The following SPTBN1 variants were observed in gnomAD, a reference collection of about 807,000 sequenced individuals.
SPTBN1 encodes spectrin beta chain, non-erythrocytic 1.
A neutral mutation model predicts 266.4 loss-of-function variants in SPTBN1; 32 were observed. The observed-to-expected ratio is 0.12, with a 90% CI of 0.09 to 0.16. The LOEUF (loss-of-function observed/expected upper bound fraction) is 0.16, where lower values mean the gene tolerates loss of function less well. Ranked by LOEUF, SPTBN1 falls within the 10% of genes least tolerant of loss-of-function variation. The probability of loss-of-function intolerance (pLI) is 1.00; values close to 1 mark genes in which losing one functional copy is unlikely to be tolerated. For synonymous variants in SPTBN1, 1,336 were observed against 1,162.2 expected, an observed-to-expected ratio of 1.15 and a Z score of -3.04; for missense variants, 2,296 against 3,067.1, an observed-to-expected ratio of 0.75 and a Z score of 5.94.
In SPTBN1 at chr2:54,643,133, A is replaced by C; in HGVS notation, c.4005+4A>C. 1 of 1,614,114 alleles carries C rather than the reference A, an allele frequency of 6.2e-7. No homozygotes were observed. The highest frequency in any genetic ancestry group is 8.5e-7 in the Non-Finnish European group (1 of 1,179,964). ...ATGGCTTGACAAAATCGAGAAGGTG[A>C]GTTAAAACATTTGATGTGGCCATGG... On this transcript the variant is annotated splice_donor_region_variant and intron_variant, in intron 19 of 35. Coordinates refer to ENST00000356805, the MANE Select transcript of SPTBN1 (RefSeq NM_003128.3).
At chr2:54,631,970 G>A (rs752595237) in intron 16 of SPTBN1, among the ~76,000 whole-genome samples, 1 of 151,980 alleles carries the variant, frequency 6.6e-6, no homozygotes, top group Non-Finnish European at 1.5e-5. Flanking sequence ...CCAGCTCTTG[G>A]GGAGGCTGGG....
chr2:54,543,146 G>T (rs1672033361), intron 2 of SPTBN1, among the ~76,000 whole-genome samples: 1 of 152,168 alleles, frequency 6.6e-6, no homozygotes. Context: ...GGCTTCAGAG[G>T]CCTGGAGTCC....
chr2:54,472,022 GTTTTTT>G (rs768988675), intron 1 of SPTBN1, among the ~76,000 whole-genome samples: 42 of 66,806 alleles, frequency 6.3e-4, no homozygotes, highest in African/African-American at 2.1e-3. Context: ...CCCTGAAGAT[GTTTTTT>G]TTTTTTTTTT....
At chr2:54,589,356 G>A (rs1240608437) in intron 2 of SPTBN1, among the ~76,000 whole-genome samples, 1 of 152,178 alleles carries the variant, frequency 6.6e-6, no homozygotes, top group Non-Finnish European at 1.5e-5. Flanking sequence ...CCTCTCAGAA[G>A]TTGTGCCTGC....
intron 1 of SPTBN1, among the ~76,000 whole-genome samples, chr2:54,514,688 A>G (rs996638774): frequency 1.3e-5 from 2 of 152,218 alleles, no homozygotes; most frequent in Non-Finnish European, 1.5e-5. Flanking sequence ...TCTTTAGTAC[A>G]GAGAAATGTG....
intron 1 of SPTBN1, among the ~76,000 whole-genome samples, chr2:54,480,236 T>G (rs1668031080): frequency 6.6e-6 from 1 of 152,182 alleles, no homozygotes; most frequent in South Asian, 2.1e-4. Context: ...CAGCTGGCGC[T>G]GAGATACAGA....
At position 54,644,337 on chromosome 2, in the gene SPTBN1, C is replaced by T; in HGVS notation, c.4020C>T (p.Leu1340=). The T allele has an allele frequency of 1.2e-6, 2 of 1,609,460 alleles. No individual in the cohort carries two copies. Among genetic ancestry groups the T allele is most frequent in the East Asian group, 2.2e-5 (1 of 44,730 alleles). The change falls in exon 20 of 36, where the codon CTC becomes CTT. Residue 1340 remains leucine (L), a synonymous_variant. Coordinates refer to ENST00000356805, the MANE Select transcript of SPTBN1 (RefSeq NM_003128.3). Reference sequence around the variant, plus strand: ...TTGTTTTCCAGGAAGGAATGCAGCTCATTTCAGAAAAGCCTGAGACGGAAG... The same window carrying T: ...TTGTTTTCCAGGAAGGAATGCAGCTTATTTCAGAAAAGCCTGAGACGGAAG... ...LDKIEKEGMQ[L]ISEKPETEAV...
chr2:54,490,353 A>G (rs2104009454), intron 1 of SPTBN1, among the ~76,000 whole-genome samples: 2 of 152,314 alleles, frequency 1.3e-5, no homozygotes, highest in South Asian at 4.1e-4. Flanking sequence ...AGTACAGGCA[A>G]GAGCCACAGT....
rs577894846 is a variant in SPTBN1, at chr2:54,659,420, C to T, written c.6356+154C>T. Reference sequence around the variant, plus strand: ...CTGTTTAAAGGCTGTACAGTTATCCCTAAATAACCTTGGAGGGCACTGATT... The same window carrying T: ...CTGTTTAAAGGCTGTACAGTTATCCTTAAATAACCTTGGAGGGCACTGATT... On this transcript the variant is annotated intron_variant, in intron 31 of 35. Transcript: ENST00000356805. Among the ~76,000 whole-genome samples, 3 of 152,130 alleles carry T rather than the reference C, an allele frequency of 2.0e-5. No individual in the cohort carries two copies. In the East Asian group the frequency reaches 5.8e-4, roughly 29 times the overall value.
At position 54,653,589 on chromosome 2, in the gene SPTBN1, T is replaced by A; in HGVS notation, c.5578-20T>A. On this transcript the variant is annotated intron_variant, in intron 26 of 35. Coordinates refer to ENST00000356805, the MANE Select transcript of SPTBN1 (RefSeq NM_003128.3). The surrounding 1 kb of genome is among the most constrained non-coding windows in gnomAD (Gnocchi z 5.1). The stretch of plus-strand genomic sequence containing the variant: ...GGCCGCCATGGGCTGACCTGGCTCA[T>A]CCCCTACATGGCTTCACAGGTGAGG... 1 of 1,611,004 alleles carries A rather than the reference T, an allele frequency of 6.2e-7. No homozygotes were observed. Among genetic ancestry groups the A allele is most frequent in the Non-Finnish European group, 8.5e-7 (1 of 1,179,206 alleles).
At chr2:54,634,369 G>T (rs1464251721) in intron 17 of SPTBN1, among the ~76,000 whole-genome samples, 1 of 152,228 alleles carries the variant, frequency 6.6e-6, no homozygotes, top group African/African-American at 2.4e-5. Context: ...TTGACCAAGA[G>T]CCTGGGCTAC....
intron 4 of SPTBN1, 124 bp from the exon 5 acceptor site, chr2:54,616,083 G>T: frequency 1.4e-6 from 1 of 701,228 alleles, no homozygotes; most frequent in East Asian, 2.9e-5. Flanking sequence ...TGACAGGGTA[G>T]ATCGTCTGCA....
At chr2:54,572,068 A>T (rs572815179) in intron 2 of SPTBN1, among the ~76,000 whole-genome samples, 6 of 134,766 alleles carry the variant, frequency 4.5e-5, no homozygotes, top group African/African-American at 1.7e-4. Flanking sequence ...TTGGACTCTC[A>T]CATACTCCCT....
intron 11 of SPTBN1, among the ~76,000 whole-genome samples, chr2:54,625,350 C>G (rs1047992342): frequency 6.6e-6 from 1 of 152,252 alleles, no homozygotes; most frequent in African/African-American, 2.4e-5. Context: ...CATAAGCTAT[C>G]ACCTGCTCTA....
At position 54,637,055 on chromosome 2, in the gene SPTBN1, G is replaced by A. The variant is rs141798476; in HGVS notation, c.3768-658G>A. On this transcript the variant is annotated intron_variant, in intron 17 of 35. Transcript: ENST00000356805. ...ATGGGGAAGGAGCCAAGTAGGGAGC[G>A]AGCACCCCCTTTACCTTAGCGTTTA... is the stretch of plus-strand genomic sequence containing the variant. 2.3e-3 allele frequency among the ~76,000 whole-genome samples: 346 copies of A among 152,288 alleles called. 2 individuals are homozygous for A. Among genetic ancestry groups the A allele is most frequent in the African/African-American group, 7.7e-3 (318 of 41,560 alleles).
Position 54,522,678 on chromosome 2 carries a change from G to GAGAGGA in SPTBN1, c.-47-3694_-47-3693insAGAGGA, listed in dbSNP as rs370803474. On this transcript the variant is annotated intron_variant, in intron 1 of 35. Transcript: ENST00000356805. ...AGAGAAAGAGAGAGAGAGAGAGAGA[G>GAGAGGA]GAGAGAGAGAGAGAGAGAGAGAAAG... Among the ~76,000 whole-genome samples the GAGAGGA allele has an allele frequency of 2.3e-4, 18 of 78,636 alleles. No homozygotes were observed. The South Asian group carries it at 2.8e-3, about 12-fold the overall frequency. The allele number at this position is 78,636 out of a possible 152,430, so 51.6% of individuals were successfully genotyped here. A position where few individuals can be genotyped will look rare whatever the true frequency, so the allele number is the denominator to read the frequency against.
At chr2:54,482,158 C>T (rs1668133381) in intron 1 of SPTBN1, among the ~76,000 whole-genome samples, 1 of 152,094 alleles carries the variant, frequency 6.6e-6, no homozygotes, top group Non-Finnish European at 1.5e-5. Flanking sequence ...GACATTTTCA[C>T]ATTTTGGAGC....
chr2:54,600,949 C>T (rs1339556524), intron 3 of SPTBN1, among the ~76,000 whole-genome samples: 1 of 151,956 alleles, frequency 6.6e-6, no homozygotes, highest in Non-Finnish European at 1.5e-5. Flanking sequence ...ATAATGTCCA[C>T]ATCATAAATG....
intron 1 of SPTBN1, among the ~76,000 whole-genome samples, chr2:54,472,464 C>T (rs927621180): frequency 6.6e-6 from 1 of 152,122 alleles, no homozygotes; most frequent in African/African-American, 2.4e-5. Flanking sequence ...CTTGTCTTAG[C>T]TGATTCACTT....
Sources: gnomAD v4.1 joint callset for allele counts (sites outside exome capture counted in the v4.1 genomes callset) on GRCh38, gnomAD v4.1.1 for gene constraint, Gnocchi (gnomAD v3.1) non-coding constraint, MANE v1.5 for transcripts, NCBI Gene and HGNC (gene_info 2026-07-23, HGNC 2026-07-21) for gene names.